Variants in PIK3C2G observed in about 807,000 individuals in gnomAD.
PIK3C2G encodes phosphatidylinositol 3-kinase C2 domain-containing subunit gamma.
A neutral mutation model predicts 181.1 loss-of-function variants in PIK3C2G; 168 were observed. The observed-to-expected ratio is 0.93, with a 90% CI of 0.82 to 1.05. The LOEUF is 1.05. Ranked by LOEUF, PIK3C2G falls within the 50% of genes least tolerant of loss-of-function variation. PIK3C2G has a pLI of 0.00. For synonymous variants in PIK3C2G, 573 were observed against 592.2 expected (o/e 0.97, Z 0.47); for missense variants, 1,869 against 1,732.8 (o/e 1.08, Z -1.40).
At chr12:18,492,253 A>C (rs1366306621) in intron 20 of PIK3C2G, among the ~76,000 whole-genome samples, 1 of 152,208 alleles carries the variant, frequency 6.6e-6, no homozygotes, top group Non-Finnish European at 1.5e-5. Context: ...GTTAGATTTA[A>C]AAGTGAAGAG....
intron 26 of PIK3C2G, among the ~76,000 whole-genome samples, chr12:18,556,811 TG>T (rs1945038106): frequency 6.6e-6 from 1 of 152,134 alleles, no homozygotes. Context: ...TGGTGAACAC[TG>T]GGATGAATAA....
At chr12:18,251,664 GT>G (rs1389999288) in intron 1 of PIK3C2G, among the ~76,000 whole-genome samples, 1 of 151,972 alleles carries the variant, frequency 6.6e-6, no homozygotes, top group African/African-American at 2.4e-5. Flanking sequence ...TACTTAATCT[GT>G]TTTTCTTGAA....
intron 24 of PIK3C2G, among the ~76,000 whole-genome samples, chr12:18,523,465 T>C (rs1943042764): frequency 2.0e-5 from 3 of 152,224 alleles, no homozygotes; most frequent in Admixed American, 2.0e-4. Flanking sequence ...ATCACTGCTC[T>C]GCAGCTAAAG....
intron 26 of PIK3C2G, among the ~76,000 whole-genome samples, chr12:18,561,458 GACAGAGTAAGACCC>G (rs1306181246): frequency 6.6e-6 from 1 of 152,134 alleles, no homozygotes; most frequent in East Asian, 1.9e-4. Flanking sequence ...CAGCCTGGGT[GACAGAGTAAGACCC>G]TATCTCTGAA....
chr12:18,389,011 C>A (rs979077290), intron 14 of PIK3C2G, among the ~76,000 whole-genome samples: 1 of 152,072 alleles, frequency 6.6e-6, no homozygotes, highest in Non-Finnish European at 1.5e-5. Context: ...GATGTCATGG[C>A]GCATGCAATG....
intron 18 of PIK3C2G, among the ~76,000 whole-genome samples, chr12:18,455,433 C>A (rs765646578): frequency 2.0e-5 from 3 of 151,976 alleles, no homozygotes; most frequent in Non-Finnish European, 2.9e-5. Context: ...CTTGATAAAG[C>A]CTCTTTTGGT....
At chr12:18,339,678 T>C (rs1938937064) in intron 9 of PIK3C2G, among the ~76,000 whole-genome samples, 1 of 152,156 alleles carries the variant, frequency 6.6e-6, no homozygotes, top group Admixed American at 6.5e-5. Flanking sequence ...TTGTTTCAAA[T>C]AGATAAGTGG....
chr12:18,672,805 A>AG, the PIK3C2G span, among the ~76,000 whole-genome samples: 1 of 152,132 alleles, frequency 6.6e-6, no homozygotes, highest in Non-Finnish European at 1.5e-5. Context: ...ACCTAACAGG[A>AG]GCAAGAGGGC....
chr12:18,483,323 G>C (rs1592374000), intron 18 of PIK3C2G, among the ~76,000 whole-genome samples: 2 of 152,200 alleles, frequency 1.3e-5, no homozygotes, highest in East Asian at 3.9e-4. Context: ...TTTTTACTCA[G>C]AGAGCATCTC....
At position 18,436,768 on chromosome 12, in the gene PIK3C2G, T is replaced by C. The variant is rs115796214; in HGVS notation, c.2504+12729T>C. 7.4e-3 allele frequency among the ~76,000 whole-genome samples: 1,124 copies of C among 152,106 alleles called. 15 individuals are homozygous for C. The highest frequency in any genetic ancestry group is 0.026 in the African/African-American group (1,069 of 41,566). On this transcript the variant is annotated intron_variant, in intron 18 of 32. Coordinates refer to ENST00000538779, the MANE Select transcript of PIK3C2G (RefSeq NM_001288772.2). Reference sequence around the variant, plus strand: ...CTAGCTCTCTGGAATTGGGTGAAGTTGAGTTAAATGACTTACAGAATAATC... The same window carrying C: ...CTAGCTCTCTGGAATTGGGTGAAGTCGAGTTAAATGACTTACAGAATAATC...
chr12:18,607,340 A>G (rs966431795), intron 30 of PIK3C2G, among the ~76,000 whole-genome samples: 3 of 152,210 alleles, frequency 2.0e-5, no homozygotes, highest in Non-Finnish European at 4.4e-5. Flanking sequence ...TGGTACTGGT[A>G]CCAAAACAGA....
At chr12:18,568,413 T>G (rs949123783) in intron 29 of PIK3C2G, among the ~76,000 whole-genome samples, 1 of 150,666 alleles carries the variant, frequency 6.6e-6, no homozygotes, top group African/African-American at 2.4e-5. Context: ...TGTGTGTGTG[T>G]CTGTGTGTGT....
At chr12:18,377,842 G>A (rs1942560788) in intron 13 of PIK3C2G, among the ~76,000 whole-genome samples, 1 of 152,046 alleles carries the variant, frequency 6.6e-6, no homozygotes, top group African/African-American at 2.4e-5. Flanking sequence ...ATATATATAT[G>A]GCTTTAAGTT....
chr12:18,622,367 G>C (rs192300092), intron 31 of PIK3C2G, among the ~76,000 whole-genome samples: 63 of 151,930 alleles, frequency 4.1e-4, no homozygotes, highest in Non-Finnish European at 4.4e-5. Context: ...TTCTATTCAT[G>C]TTATTGTAAA....
chr12:18,675,646 A>G, the PIK3C2G span, among the ~76,000 whole-genome samples: 6 of 152,162 alleles, frequency 3.9e-5, no homozygotes, highest in Non-Finnish European at 7.4e-5. Flanking sequence ...TGATTGGGTA[A>G]ATAAAATGTG....
At chr12:18,540,423 A>G (rs1397796539) in intron 25 of PIK3C2G, among the ~76,000 whole-genome samples, 4 of 151,862 alleles carry the variant, frequency 2.6e-5, no homozygotes, top group Non-Finnish European at 5.9e-5. Context: ...GCTGATGAAA[A>G]CTGAGCATGT....
chr12:18,583,641 G>A (rs1446669872), intron 29 of PIK3C2G, among the ~76,000 whole-genome samples: 5 of 152,134 alleles, frequency 3.3e-5, no homozygotes, highest in Non-Finnish European at 7.3e-5. Context: ...TTGCCACACA[G>A]GTCCTGGTCA....
At chr12:18,527,362 A>C (rs1416163331) in intron 24 of PIK3C2G, among the ~76,000 whole-genome samples, 1 of 152,166 alleles carries the variant, frequency 6.6e-6, no homozygotes, top group Non-Finnish European at 1.5e-5. Context: ...GGAAACAACT[A>C]TGGGGTTCAA....
chr12:18,560,400 T>C (rs929802664), intron 26 of PIK3C2G, among the ~76,000 whole-genome samples: 3 of 150,438 alleles, frequency 2.0e-5, no homozygotes, highest in Non-Finnish European at 4.4e-5. Context: ...ATAAAAGAAA[T>C]GAAGAAAATG....
Sources: allele counts gnomAD v4.1 joint callset (sites outside exome capture counted in the v4.1 genomes callset), GRCh38; gene constraint gnomAD v4.1.1; transcripts MANE v1.5; gene names NCBI Gene and HGNC (gene_info 2026-07-23, HGNC 2026-07-21).